The following ZBTB16 variants were observed in gnomAD, a reference collection of about 807,000 sequenced individuals.
ZBTB16 encodes zinc finger and BTB domain-containing protein 16.
ZBTB16 carries 8 observed loss-of-function variants against 56.8 expected under a neutral mutation model. The ratio of observed to expected loss-of-function variants is 0.14; its 90% CI spans 0.08 to 0.25. The LOEUF is 0.25. Among genes scored for constraint, ZBTB16 ranks in the 10% least tolerant of loss-of-function variants. The probability of loss-of-function intolerance (pLI) is 1.00; values close to 1 mark genes in which losing one functional copy is unlikely to be tolerated. For missense variants in ZBTB16, 625 were observed against 903.0 expected, an observed-to-expected ratio of 0.69 and a Z score of 3.95; for synonymous variants, 363 against 368.5, an observed-to-expected ratio of 0.98 and a Z score of 0.17.
intron 4 of ZBTB16, among the ~76,000 whole-genome samples, chr11:114,230,596 C>G (rs1944419946): frequency 8.4e-6 from 1 of 119,138 alleles, no homozygotes; most frequent in Admixed American, 1.1e-4. Flanking sequence ...CAGTAAAAAG[C>G]ATTTAAATGC....
rs74821152 is a variant in ZBTB16 at position 114,202,244 on chromosome 11, A to G, written c.1453+15206A>G. On this transcript the variant is annotated intron_variant, in intron 4 of 6. Coordinates refer to ENST00000335953, the MANE Select transcript of ZBTB16 (RefSeq NM_006006.6). ...GGGGTGACAGAGGCCACAAATAAGA[A>G]TGAGCTCAGCTGGAAGTGGGAGTGA... Among the ~76,000 whole-genome samples the G allele has an allele frequency of 1.9e-3, 294 of 152,332 alleles. 2 individuals carry two copies. The highest frequency in any genetic ancestry group is 6.3e-3 in the African/African-American group (263 of 41,592).
chr11:114,075,811 T>C (rs1249784285), intron 2 of ZBTB16, among the ~76,000 whole-genome samples: 1 of 152,170 alleles, frequency 6.6e-6, no homozygotes, highest in Admixed American at 6.5e-5. Flanking sequence ...AGTGCTTTTT[T>C]GCTCTTTAAC....
chr11:114,104,081 A>G (rs1283846181), intron 2 of ZBTB16, among the ~76,000 whole-genome samples: 1 of 152,214 alleles, frequency 6.6e-6, no homozygotes, highest in Non-Finnish European at 1.5e-5. Flanking sequence ...AAGGGAGTAG[A>G]AACCAAATTA....
chr11:114,213,312 G>A (rs965800126), intron 4 of ZBTB16, among the ~76,000 whole-genome samples: 4 of 152,134 alleles, frequency 2.6e-5, no homozygotes, highest in South Asian at 4.1e-4. Context: ...ATAAATTCAC[G>A]TGTCCTGTAT....
At chr11:114,095,107 G>A (rs1056774294) in intron 2 of ZBTB16, among the ~76,000 whole-genome samples, 33 of 152,312 alleles carry the variant, frequency 2.2e-4, no homozygotes, top group African/African-American at 7.7e-4. Context: ...AAGAAAAATA[G>A]CACAAAGATG....
intron 4 of ZBTB16, among the ~76,000 whole-genome samples, chr11:114,210,195 G>A (rs915260874): frequency 8.5e-5 from 12 of 140,714 alleles, no homozygotes; most frequent in Non-Finnish European, 1.9e-4. Flanking sequence ...GTGTGTGTGC[G>A]TGCGCGCGCG....
intron 4 of ZBTB16, among the ~76,000 whole-genome samples, chr11:114,231,488 T>C (rs945423674): frequency 2.0e-5 from 3 of 152,176 alleles, no homozygotes; most frequent in Non-Finnish European, 4.4e-5. Context: ...CTGTGAGTGT[T>C]CAGCCAGTTC....
At chr11:114,229,014 G>A (rs541674761) in intron 4 of ZBTB16, among the ~76,000 whole-genome samples, 1 of 152,136 alleles carries the variant, frequency 6.6e-6, no homozygotes, top group Non-Finnish European at 1.5e-5. Context: ...GAGTCGGGGT[G>A]AGTAAGGAGT....
At chr11:114,185,295 G>A (rs900725547) in intron 3 of ZBTB16, among the ~76,000 whole-genome samples, 17 of 152,186 alleles carry the variant, frequency 1.1e-4, no homozygotes, top group African/African-American at 3.9e-4. Flanking sequence ...GAAGAGTAAG[G>A]GACTTGAGTG....
At chr11:114,156,886 A>G (rs1942427902) in intron 3 of ZBTB16, among the ~76,000 whole-genome samples, 1 of 152,108 alleles carries the variant, frequency 6.6e-6, no homozygotes, top group Admixed American at 6.5e-5. Context: ...ATTGAGGTCG[A>G]CTGTGTGGCT....
chr11:114,157,992 A>G (rs1942470450), intron 3 of ZBTB16, among the ~76,000 whole-genome samples: 1 of 151,692 alleles, frequency 6.6e-6, no homozygotes, highest in Admixed American at 6.6e-5. Context: ...TCTGCTTGAC[A>G]CTCACGTACA....
intron 2 of ZBTB16, among the ~76,000 whole-genome samples, chr11:114,136,701 G>A (rs1350158115): frequency 6.6e-6 from 1 of 152,046 alleles, no homozygotes; most frequent in African/African-American, 2.4e-5. Flanking sequence ...CTACTAAAAG[G>A]GGTGGGTTTT....
intron 4 of ZBTB16, among the ~76,000 whole-genome samples, chr11:114,235,617 TCCCTCTCCCTTC>T (rs1385639084): frequency 1.3e-5 from 2 of 150,590 alleles, no homozygotes; most frequent in African/African-American, 2.5e-5. Flanking sequence ...TTTCTTTCTT[TCCCTCTCCCTTC>T]CTTTCTTTCT....
intron 2 of ZBTB16, among the ~76,000 whole-genome samples, chr11:114,066,768 ATTTTT>A (rs11371325): frequency 9.0e-6 from 1 of 111,444 alleles, no homozygotes; most frequent in Admixed American, 1.0e-4. Context: ...CACTCACTAC[ATTTTT>A]TTTTTTTTTT....
intron 3 of ZBTB16, among the ~76,000 whole-genome samples, chr11:114,176,006 CGTGT>C (rs373407914): frequency 1.0e-4 from 15 of 146,766 alleles, no homozygotes; most frequent in South Asian, 4.3e-4. Flanking sequence ...TGTGTGCGTG[CGTGT>C]GTGTGTGTGT....
chr11:114,148,706 G>T (rs1364127202), intron 2 of ZBTB16, among the ~76,000 whole-genome samples: 1 of 151,558 alleles, frequency 6.6e-6, no homozygotes, highest in Non-Finnish European at 1.5e-5. Context: ...TGTTAGCCAG[G>T]ATGGTCTCGA....
At chr11:114,159,308 C>G (rs1942512259) in intron 3 of ZBTB16, among the ~76,000 whole-genome samples, 1 of 152,122 alleles carries the variant, frequency 6.6e-6, no homozygotes, top group African/African-American at 2.4e-5. Flanking sequence ...CTTTCCATGC[C>G]TGTCTTACTG....
intron 2 of ZBTB16, among the ~76,000 whole-genome samples, chr11:114,080,388 A>C (rs924039664): frequency 6.6e-6 from 1 of 151,540 alleles, no homozygotes; most frequent in Non-Finnish European, 1.5e-5. Context: ...CTCTTTTGTG[A>C]CCTAACAGTG....
intron 4 of ZBTB16, among the ~76,000 whole-genome samples, chr11:114,211,532 G>A (rs599994): frequency 0.27 from 41,096 of 152,088 alleles, 6,253 homozygotes; most frequent in South Asian, 0.4. Flanking sequence ...TTGAGCCAGT[G>A]CTAACTACTG....
Sources: allele counts gnomAD v4.1 joint callset (sites outside exome capture counted in the v4.1 genomes callset), GRCh38; gene constraint gnomAD v4.1.1; transcripts MANE v1.5; gene names NCBI Gene and HGNC (gene_info 2026-07-23, HGNC 2026-07-21).